Variants in PCNT observed in about 807,000 individuals in gnomAD.
PCNT encodes the protein kendrin.
Under a neutral mutation model 380.4 loss-of-function variants are expected in PCNT, and 319 were observed. That is an observed-to-expected ratio of 0.84 (90% CI 0.77 to 0.92). The LOEUF is 0.92. Among genes scored for constraint, PCNT ranks in the 40% least tolerant of loss-of-function variants. The probability of loss-of-function intolerance (pLI) is 0.00; values close to 1 mark genes in which losing one functional copy is unlikely to be tolerated. For synonymous variants in PCNT, 1,845 were observed against 1,735.2 expected, an observed-to-expected ratio of 1.06 and a Z score of -1.57; for missense variants, 4,400 against 4,255.3, an observed-to-expected ratio of 1.03 and a Z score of -0.95.
Position 46,388,870 on chromosome 21 carries a change from T to TGGCCC in PCNT, c.3594_3598dup (p.Leu1200ArgfsTer47), listed in dbSNP as rs869312929. The TGGCCC allele has an allele frequency of 4.4e-6, 7 of 1,604,752 alleles. No individual in the cohort carries two copies. Among genetic ancestry groups the TGGCCC allele is most frequent in the Non-Finnish European group, 5.9e-6 (7 of 1,179,050 alleles). The stretch of plus-strand genomic sequence containing the variant: ...TGCCTGGATGACGCGGGCGCAGGCC[T>TGGCCC]GGCCCTGTCGACAGGTGAGTGTGCC... On this transcript the variant is annotated frameshift_variant, in exon 18 of 47. Coordinates refer to ENST00000359568, the MANE Select transcript of PCNT (RefSeq NM_006031.6). LOFTEE classifies it high-confidence loss of function. This position sits in a 1 kb window ranked among gnomAD's most constrained non-coding sequence, Gnocchi z 4.2.
Position 46,431,664 on chromosome 21 carries a change from G to A in PCNT, c.8200G>A (p.Ala2734Thr). 1.2e-6 allele frequency: 2 copies of A among 1,613,460 alleles called. No homozygotes were observed. Among genetic ancestry groups the A allele is most frequent in the South Asian group, 1.1e-5 (1 of 91,086 alleles). ...IEHSRCEALL[A>T]QERSQLSELQ... Reference sequence around the variant, plus strand: ...GCACTCACGCTGCGAGGCCTTGCTGGCTCAGGAGCGGAGCCAGCTCTCTGA... The same window carrying A: ...GCACTCACGCTGCGAGGCCTTGCTGACTCAGGAGCGGAGCCAGCTCTCTGA... The change falls in exon 38 of 47, where the codon GCT (alanine) becomes ACT (threonine). Residue 2734 changes from alanine to threonine, a missense_variant. By Grantham distance (58) the Ala-to-Thr change is moderately conservative. Coordinates refer to ENST00000359568, the MANE Select transcript of PCNT (RefSeq NM_006031.6).
chr21:46,389,230 G>C lies in PCNT; in HGVS notation c.3639G>C (p.Val1213=), dbSNP rs2085949357. 1 of 1,614,192 alleles carries C rather than the reference G, an allele frequency of 6.2e-7. No homozygotes were observed. Among genetic ancestry groups the C allele is most frequent in the Non-Finnish European group, 8.5e-7 (1 of 1,180,010 alleles). The change falls in exon 19 of 47, where the codon GTG becomes GTC. Residue 1213 remains valine (V), a synonymous_variant. Transcript: ENST00000359568. ...CGCTGGAGGAGACATGGTCTGATGT[G>C]GCCCTCCCGGAGTTGGACAGAACTT... ...APALEETWSD[V]ALPELDRTLS...
chr21:46,397,925 T>C, intron 22 of PCNT, 89 bp from the exon 23 acceptor site: 2 of 925,390 alleles, frequency 2.2e-6, no homozygotes, highest in East Asian at 5.3e-5. Context: ...GTTGCACTTG[T>C]ACGTGCAGTG....
rs369265202 is a variant in PCNT at position 46,436,160 on chromosome 21, C to T, written c.8996+12C>T. On this transcript the variant is annotated intron_variant, in intron 39 of 46. Coordinates refer to ENST00000359568, the MANE Select transcript of PCNT (RefSeq NM_006031.6). ...CAGGCCGTGGACAGGTGTGCACCCA[C>T]GCCACCTGGCGCTCACTGGTCCCTT... 135 of 1,603,050 alleles carry T rather than the reference C, an allele frequency of 8.4e-5. No homozygotes were observed. Among genetic ancestry groups the T allele is most frequent in the African/African-American group, 4.7e-4 (35 of 74,906 alleles).
chr21:46,427,520 T>C, intron 33 of PCNT, 102 bp from the exon 34 acceptor site: 1 of 1,334,368 alleles, frequency 7.5e-7, no homozygotes. Context: ...CTGAATCACC[T>C]CCCGCAGGCC....
chr21:46,423,277 G>C (rs2087334494), intron 32 of PCNT, among the ~76,000 whole-genome samples: 1 of 147,560 alleles, frequency 6.8e-6, no homozygotes, highest in Non-Finnish European at 1.5e-5. Flanking sequence ...TGCAACCTCT[G>C]CCTCCTGGGC....
chr21:46,353,307 C>T lies in PCNT; in HGVS notation c.1660C>T (p.Leu554=). ...RLQGAREDAL[L]DSVEVGLSCV... is the part of the protein sequence containing the mutation. Reference sequence around the variant, plus strand: ...GCAGGGGGCGAGGGAAGATGCTCTTCTGGACTCTGTGGAAGTTGGGTAAGC... The same window carrying T: ...GCAGGGGGCGAGGGAAGATGCTCTTTTGGACTCTGTGGAAGTTGGGTAAGC... Residue 554 remains leucine (L), a synonymous_variant, in exon 10 of 47, where the codon CTG becomes TTG. Transcript: ENST00000359568. 1 of 1,614,118 alleles carries T rather than the reference C, an allele frequency of 6.2e-7. No homozygotes were observed. Among genetic ancestry groups the T allele is most frequent in the Non-Finnish European group, 8.5e-7 (1 of 1,179,984 alleles).
intron 3 of PCNT, among the ~76,000 whole-genome samples, chr21:46,345,069 G>A (rs1474128648): frequency 1.3e-5 from 2 of 152,124 alleles, no homozygotes; most frequent in African/African-American, 2.4e-5. Context: ...CCTTTCATCG[G>A]TACCCACTTT....
At chr21:46,442,348 G>T (rs182805445) in intron 43 of PCNT, 149 bp from the exon 44 acceptor site, 13 of 692,478 alleles carry the variant, frequency 1.9e-5, no homozygotes, top group African/African-American at 5.3e-5. Context: ...TGCCAGGCCC[G>T]AGTCAACAGA....
Position 46,355,613 on chromosome 21 carries a change from A to G in PCNT, c.1923A>G (p.Glu641=), listed in dbSNP as rs781266455. Residue 641 remains glutamate (E), a synonymous_variant, in exon 12 of 47, where the codon GAA becomes GAG. Transcript: ENST00000359568. ...ACGAGTGGCGTCTGGAACCCTCTGA[A>G]GGGCACAGCCAAGGTGGGCCCCTCC... ...LGHEWRLEPS[E]GHSQELPWVH... The G allele has an allele frequency of 1.2e-6, 2 of 1,613,478 alleles. No individual in the cohort carries two copies. Among genetic ancestry groups the G allele is most frequent in the Non-Finnish European group, 8.5e-7 (1 of 1,179,886 alleles).
chr21:46,382,055 T>A (rs1409718333), intron 16 of PCNT, among the ~76,000 whole-genome samples: 2 of 131,782 alleles, frequency 1.5e-5, no homozygotes, highest in African/African-American at 5.4e-5. Flanking sequence ...GGAAGCGCAT[T>A]CACCATGTTG....
intron 9 of PCNT, among the ~76,000 whole-genome samples, chr21:46,351,807 G>A (rs987382108): frequency 6.6e-6 from 1 of 152,228 alleles, no homozygotes; most frequent in African/African-American, 2.4e-5. Flanking sequence ...TGCAGGGGGT[G>A]CCTTCATGTC....
chr21:46,328,522 G>A (rs1333662241), intron 2 of PCNT, among the ~76,000 whole-genome samples: 1 of 151,870 alleles, frequency 6.6e-6, no homozygotes, highest in African/African-American at 2.4e-5. Context: ...GTGCAGTGGT[G>A]CAGTCCTGGC....
intron 27 of PCNT, among the ~76,000 whole-genome samples, chr21:46,403,465 C>T (rs1202438100): frequency 2.3e-5 from 3 of 129,360 alleles, no homozygotes; most frequent in Non-Finnish European, 3.2e-5. Context: ...CCACGCGGCA[C>T]GTGCTTGGTG....
chr21:46,336,138 G>A (rs1455919549), intron 3 of PCNT, among the ~76,000 whole-genome samples: 1 of 152,114 alleles, frequency 6.6e-6, no homozygotes, highest in Non-Finnish European at 1.5e-5. Context: ...CACCACGCCT[G>A]GCTAATTTTT....
intron 27 of PCNT, among the ~76,000 whole-genome samples, chr21:46,408,346 G>A (rs993463533): frequency 2.0e-5 from 3 of 152,200 alleles, no homozygotes; most frequent in Non-Finnish European, 2.9e-5. Flanking sequence ...GTGATGAATC[G>A]AGCCACCATA....
At chr21:46,338,529 C>T (rs149644622) in intron 3 of PCNT, among the ~76,000 whole-genome samples, 1 of 151,844 alleles carries the variant, frequency 6.6e-6, no homozygotes, top group African/African-American at 2.4e-5. Flanking sequence ...GCATGGTACA[C>T]AGTTTGTTTA....
rs77950083 is a variant in PCNT, at chr21:46,326,735, C to T, written c.267+146C>T. On this transcript the variant is annotated intron_variant, in intron 2 of 46. Coordinates refer to ENST00000359568, the MANE Select transcript of PCNT (RefSeq NM_006031.6). Reference sequence around the variant, plus strand: ...ATTTTAGTTTATAAAAAGTGAGGGCCGGGTGCAGTGGCTTACGCCTGTAAT... The same window carrying T: ...ATTTTAGTTTATAAAAAGTGAGGGCTGGGTGCAGTGGCTTACGCCTGTAAT... 5,000 of 932,094 alleles carry T rather than the reference C, an allele frequency of 5.4e-3. 29 individuals are homozygous for T. The highest frequency in any genetic ancestry group is 8.4e-3 in the Middle Eastern group (26 of 3,080). 57.7% of individuals were successfully genotyped at this position (932,094 alleles called of 1,614,324 possible). A position where few individuals can be genotyped will look rare whatever the true frequency, so the allele number is the denominator to read the frequency against.
At chr21:46,387,115 A>C (rs1293013691) in intron 17 of PCNT, among the ~76,000 whole-genome samples, 2 of 152,132 alleles carry the variant, frequency 1.3e-5, no homozygotes, top group East Asian at 1.9e-4. Flanking sequence ...TCTGCTCTGG[A>C]GACCACCCAG....
Sources: allele counts gnomAD v4.1 joint callset (sites outside exome capture counted in the v4.1 genomes callset), GRCh38; gene constraint gnomAD v4.1.1; non-coding constraint Gnocchi (gnomAD v3.1); transcripts MANE v1.5; gene names NCBI Gene and HGNC (gene_info 2026-07-23, HGNC 2026-07-21).